The following CALD1 variants were observed in gnomAD, a reference collection of about 807,000 sequenced individuals.
CALD1 encodes the protein caldesmon 1, also known as caldesmon.
A neutral mutation model predicts 99.9 loss-of-function variants in CALD1; 33 were observed. The observed-to-expected ratio is 0.33, with a 90% CI of 0.25 to 0.44. The LOEUF (loss-of-function observed/expected upper bound fraction) is 0.44, where lower values mean the gene tolerates loss of function less well. Ranked by LOEUF, CALD1 falls within the 20% of genes least tolerant of loss-of-function variation. CALD1 has a pLI of 1.00. For missense variants in CALD1, 861 were observed against 962.1 expected (o/e 0.89, Z 1.39); for synonymous variants, 310 against 325.0 (o/e 0.95, Z 0.50).
intron 1 of CALD1, among the ~76,000 whole-genome samples, chr7:134,840,338 T>C (rs79762755): frequency 0.015 from 2,211 of 152,252 alleles, 44 homozygotes; most frequent in African/African-American, 0.049. Flanking sequence ...TTTGATAGAG[T>C]TGGGAAAGTT....
chr7:134,945,694 C>T (rs1368330944), intron 7 of CALD1, among the ~76,000 whole-genome samples: 3 of 152,188 alleles, frequency 2.0e-5, no homozygotes, highest in Non-Finnish European at 1.5e-5. Flanking sequence ...ACCTTAACCA[C>T]ATCATACCAA....
chr7:134,806,360 T>G (rs978181996), intron 1 of CALD1, among the ~76,000 whole-genome samples: 1 of 152,232 alleles, frequency 6.6e-6, no homozygotes, highest in African/African-American at 2.4e-5. Flanking sequence ...GTAGAGGGTT[T>G]CCATTTGTGT....
At chr7:134,957,003 A>T (rs192049396) in intron 9 of CALD1, among the ~76,000 whole-genome samples, 3 of 152,252 alleles carry the variant, frequency 2.0e-5, no homozygotes, top group African/African-American at 7.2e-5. Flanking sequence ...GCTTTAAAAA[A>T]AAAAGAACTC....
intron 1 of CALD1, among the ~76,000 whole-genome samples, chr7:134,753,711 T>G (rs1383923874): frequency 1.3e-5 from 2 of 152,170 alleles, no homozygotes; most frequent in Non-Finnish European, 2.9e-5. Context: ...TTCCCATTCT[T>G]GCTGCCCTTT....
At chr7:134,801,675 C>T (rs1021621901) in intron 1 of CALD1, among the ~76,000 whole-genome samples, 3 of 152,064 alleles carry the variant, frequency 2.0e-5, no homozygotes, top group African/African-American at 7.2e-5. Context: ...GCTCCAGTGC[C>T]GTAGCACAGC....
chr7:134,734,720 C>T, the CALD1 span, among the ~76,000 whole-genome samples: 1 of 152,174 alleles, frequency 6.6e-6, no homozygotes, highest in Non-Finnish European at 1.5e-5. Context: ...ACTTTCTTGC[C>T]TGCTGCCACA....
intron 1 of CALD1, among the ~76,000 whole-genome samples, chr7:134,799,497 T>C (rs1437075936): frequency 3.3e-5 from 5 of 152,210 alleles, no homozygotes; most frequent in Non-Finnish European, 7.3e-5. Context: ...AGCTATATAG[T>C]TTACATAAAA....
chr7:134,887,397 T>C (rs1158271269), intron 3 of CALD1, among the ~76,000 whole-genome samples: 1 of 152,204 alleles, frequency 6.6e-6, no homozygotes, highest in Non-Finnish European at 1.5e-5. Context: ...GGAACAGCTG[T>C]CTAGGCAAGA....
intron 9 of CALD1, among the ~76,000 whole-genome samples, chr7:134,951,837 A>G (rs544141214): frequency 2.8e-4 from 43 of 152,376 alleles, no homozygotes; most frequent in African/African-American, 9.1e-4. Flanking sequence ...AATTAACATC[A>G]TTGAGCATCT....
rs77241679 is a variant in CALD1 at position 134,855,324 on chromosome 7, C to T, written c.-42+11353C>T. 8.4e-4 allele frequency among the ~76,000 whole-genome samples: 128 copies of T among 152,138 alleles called. 1 individual carries two copies. The highest frequency in any genetic ancestry group is 1.1e-3 in the Non-Finnish European group (77 of 68,016). ...TATGAATACTCTCACTTGAGGGGTA[C>T]GAAGGTGGATTCATTTGCTCCATTT... On this transcript the variant is annotated intron_variant, in intron 2 of 14. Transcript: ENST00000361675.
chr7:134,880,989 A>C (rs1801573366), intron 3 of CALD1, among the ~76,000 whole-genome samples: 1 of 152,142 alleles, frequency 6.6e-6, no homozygotes, highest in South Asian at 2.1e-4. Context: ...GCCTCATGTC[A>C]TATAAATGAT....
chr7:134,943,001 T>C (rs1563118871), intron 7 of CALD1, among the ~76,000 whole-genome samples: 2 of 152,178 alleles, frequency 1.3e-5, no homozygotes, highest in Non-Finnish European at 2.9e-5. Flanking sequence ...TTTTTCTATT[T>C]TGGGCAGGAA....
intron 1 of CALD1, among the ~76,000 whole-genome samples, chr7:134,807,298 C>T (rs548290081): frequency 2.0e-5 from 3 of 152,264 alleles, no homozygotes; most frequent in East Asian, 3.9e-4. Context: ...TCCATGATAC[C>T]ATGACTGGTT....
chr7:134,937,260 G>A (rs183052733), intron 6 of CALD1, among the ~76,000 whole-genome samples: 12 of 152,094 alleles, frequency 7.9e-5, no homozygotes, highest in African/African-American at 1.4e-4. Context: ...GTTGCCACTC[G>A]GATGATCCTT....
intron 1 of CALD1, among the ~76,000 whole-genome samples, chr7:134,787,479 T>C (rs1275586369): frequency 6.6e-6 from 1 of 152,192 alleles, no homozygotes; most frequent in Non-Finnish European, 1.5e-5. Context: ...TGTTTCCACT[T>C]TGTGGTGAGG....
chr7:134,735,988 G>A, the CALD1 span, among the ~76,000 whole-genome samples: 11 of 152,096 alleles, frequency 7.2e-5, no homozygotes, highest in African/African-American at 2.2e-4. Context: ...CTGTAAGAGC[G>A]ACTCATACCT....
chr7:134,781,122 G>T lies in CALD1; in HGVS notation c.-130+1373G>T, dbSNP rs560210773. On this transcript the variant is annotated intron_variant, in intron 1 of 14. Coordinates refer to ENST00000361675, the MANE Select transcript of CALD1 (RefSeq NM_033138.4). ...CCTTCCCTGGAACAGTTCTGAGTAA[G>T]TGTGAGAGAAAAGCTGCAGGCAAAA... Among the ~76,000 whole-genome samples the T allele has an allele frequency of 2.0e-5, 3 of 152,330 alleles. No individual in the cohort carries two copies. In the East Asian group the frequency reaches 5.8e-4, roughly 29 times the overall value.
chr7:134,867,357 T>C (rs935112550), intron 2 of CALD1, among the ~76,000 whole-genome samples: 2 of 152,212 alleles, frequency 1.3e-5, no homozygotes, highest in African/African-American at 4.8e-5. Context: ...ATAACTTTGG[T>C]CTGGGGTTCA....
chr7:134,862,128 T>C (rs1484587245), intron 2 of CALD1, among the ~76,000 whole-genome samples: 1 of 152,184 alleles, frequency 6.6e-6, no homozygotes, highest in African/African-American at 2.4e-5. Flanking sequence ...GCATAGGTAA[T>C]TTTTAGGATT....
Sources: gnomAD v4.1 joint callset for allele counts (sites outside exome capture counted in the v4.1 genomes callset) on GRCh38, gnomAD v4.1.1 for gene constraint, MANE v1.5 for transcripts, NCBI Gene and HGNC (gene_info 2026-07-23, HGNC 2026-07-21) for gene names.